The following UMODL1 variants were observed in gnomAD, a reference collection of about 807,000 sequenced individuals.
UMODL1 encodes uromodulin-like 1.
Under a neutral mutation model 136.3 loss-of-function variants are expected in UMODL1, and 128 were observed. That is an observed-to-expected ratio of 0.94 (90% CI 0.81 to 1.09). The LOEUF (loss-of-function observed/expected upper bound fraction) is 1.09, where lower values mean the gene tolerates loss of function less well. Ranked by LOEUF, UMODL1 falls within the 50% of genes least tolerant of loss-of-function variation. The pLI is 0.00. For synonymous variants in UMODL1, 721 were observed against 720.0 expected (o/e 1.00, Z -0.02); for missense variants, 1,766 against 1,725.6 (o/e 1.02, Z -0.41).
intron 4 of UMODL1, chr21:42,086,734 G>A (rs1319688627): frequency 2.3e-6 from 1 of 429,310 alleles, no homozygotes; most frequent in East Asian, 7.1e-5. Flanking sequence ...GGGAGGCCGA[G>A]GCAGGCGGAT....
At position 42,098,842 on chromosome 21, in the gene UMODL1, G is replaced by A. The variant is rs946506752; in HGVS notation, c.932-84G>A. The A allele has an allele frequency of 1.9e-6, 3 of 1,554,148 alleles. No individual in the cohort carries two copies. In the Admixed American group the frequency reaches 5.4e-5, roughly 28 times the overall value. On this transcript the variant is annotated intron_variant, in intron 6 of 22. Coordinates refer to ENST00000408910, the MANE Select transcript of UMODL1 (RefSeq NM_001004416.3). ...TCAATAAATCAGTGAGAACCAAGTT[G>A]AGATGAGGCTCTGTTACCTGCTTCA... is the stretch of plus-strand genomic sequence containing the variant.
chr21:42,080,754 C>G (rs2066352576), intron 2 of UMODL1, among the ~76,000 whole-genome samples: 1 of 152,240 alleles, frequency 6.6e-6, no homozygotes. Context: ...CCAGGGCAGA[C>G]ATTTCACAAG....
At chr21:42,132,207 C>T (rs988270524) in intron 21 of UMODL1, among the ~76,000 whole-genome samples, 3 of 150,914 alleles carry the variant, frequency 2.0e-5, no homozygotes, top group Non-Finnish European at 4.4e-5. Context: ...CCATTCATCC[C>T]TCCACTCATC....
chr21:42,102,436 T>C, intron 8 of UMODL1, 158 bp downstream of exon 8: 2 of 551,594 alleles, frequency 3.6e-6, no homozygotes, highest in South Asian at 4.8e-5. Context: ...CGCACAGTGA[T>C]TAGTCAAAAG....
rs2067014208 is a variant in UMODL1 at position 42,123,817 on chromosome 21, G to C, written c.3147+667G>C. Among the ~76,000 whole-genome samples the C allele has an allele frequency of 1.3e-5, 2 of 152,144 alleles. No homozygotes were observed. The highest frequency in any genetic ancestry group is 4.8e-5 in the African/African-American group (2 of 41,410). ...TGTATGTATGGGTGTGTGTTTGGGG[G>C]GCATTGGATGGCATTAGTCAGAACT... On this transcript the variant is annotated intron_variant, in intron 17 of 22. Coordinates refer to ENST00000408910, the MANE Select transcript of UMODL1 (RefSeq NM_001004416.3). The surrounding 1 kb of genome is among the most constrained non-coding windows in gnomAD (Gnocchi z 4.4).
chr21:42,101,277 G>A (rs1175073303), intron 7 of UMODL1, among the ~76,000 whole-genome samples: 3 of 152,114 alleles, frequency 2.0e-5, no homozygotes, highest in African/African-American at 4.8e-5. Flanking sequence ...GCCAGTCCAC[G>A]GGGCTCTGCG....
chr21:42,099,820 A>G lies in UMODL1; in HGVS notation c.1186+640A>G, dbSNP rs2066605047. Among the ~76,000 whole-genome samples the G allele has an allele frequency of 6.6e-6, 1 of 152,174 alleles. No homozygotes were observed. Among genetic ancestry groups the G allele is most frequent in the Non-Finnish European group, 1.5e-5 (1 of 68,022 alleles). On this transcript the variant is annotated intron_variant, in intron 7 of 22. Transcript: ENST00000408910. This position sits in a 1 kb window ranked among gnomAD's most constrained non-coding sequence, Gnocchi z 4.1. ...CTCAGCCTCCCTAGTAGCTGGGACC[A>G]CAGGCACACACCACCACACCAGGCT...
At chr21:42,131,863 C>T (rs1283942733) in intron 21 of UMODL1, among the ~76,000 whole-genome samples, 1 of 152,192 alleles carries the variant, frequency 6.6e-6, no homozygotes, top group African/African-American at 2.4e-5. Context: ...TTCTTAATTT[C>T]CTGGGAAGAA....
chr21:42,093,747 C>A, intron 6 of UMODL1: 1 of 385,320 alleles, frequency 2.6e-6, no homozygotes, highest in South Asian at 1.9e-5. Context: ...ACTCCACAAA[C>A]GTTTCCTGGA....
At chr21:42,086,106 G>A (rs747821243) in intron 4 of UMODL1, among the ~76,000 whole-genome samples, 9 of 152,192 alleles carry the variant, frequency 5.9e-5, no homozygotes, top group East Asian at 3.9e-4. Flanking sequence ...TGGACAGGGC[G>A]CTGCGTGTCC....
intron 18 of UMODL1, among the ~76,000 whole-genome samples, 157 bp downstream of exon 18, chr21:42,126,647 T>C (rs946048275): frequency 2.6e-5 from 4 of 152,192 alleles, no homozygotes; most frequent in Non-Finnish European, 5.9e-5. Context: ...TGTTCCCTCT[T>C]CCCACTCAGG....
intron 21 of UMODL1, among the ~76,000 whole-genome samples, chr21:42,132,660 A>G (rs2067150158): frequency 6.6e-6 from 1 of 152,168 alleles, no homozygotes; most frequent in Non-Finnish European, 1.5e-5. Flanking sequence ...ACTATGTTTC[A>G]GATACTCTGA....
intron 5 of UMODL1, among the ~76,000 whole-genome samples, chr21:42,088,818 T>G (rs893188880): frequency 1.3e-5 from 2 of 151,736 alleles, no homozygotes; most frequent in East Asian, 1.9e-4. Context: ...GACACTGGAG[T>G]GCAAATCCCA....
At chr21:42,114,788 A>G (rs1375647633) in intron 13 of UMODL1, among the ~76,000 whole-genome samples, 4 of 152,208 alleles carry the variant, frequency 2.6e-5, no homozygotes, top group African/African-American at 9.7e-5. Context: ...GGACAGTCAG[A>G]CAGGGTGGCT....
At chr21:42,129,145 T>A (rs1420091239) in intron 20 of UMODL1, among the ~76,000 whole-genome samples, 1 of 152,184 alleles carries the variant, frequency 6.6e-6, no homozygotes, top group Non-Finnish European at 1.5e-5. Context: ...CCAGCCATAG[T>A]GGATTAGGGC....
intron 1 of UMODL1, among the ~76,000 whole-genome samples, chr21:42,075,740 C>T (rs1407551939): frequency 6.6e-6 from 1 of 152,256 alleles, no homozygotes; most frequent in African/African-American, 2.4e-5. Context: ...GCCCAGGTGG[C>T]ACCTCCTCCT....
chr21:42,136,733 CTTGTTTTT>C (rs2067209701), intron 21 of UMODL1, among the ~76,000 whole-genome samples: 2 of 151,234 alleles, frequency 1.3e-5, no homozygotes, highest in African/African-American at 4.9e-5. Flanking sequence ...TTTTTTGTTT[CTTGTTTTT>C]TTGTTTTGTT....
Position 42,076,005 on chromosome 21 carries a change from A to G in UMODL1, c.77A>G (p.Glu26Gly). Reference protein sequence around the residue: ...VGPSQASGFTEKGLSLLGYQL... With the variant: ...VGPSQASGFTGKGLSLLGYQL... ...CGCCTTCTTGCTTGGCCTCTTTCAGAAAAAGGCCTCTCCCTGTTGGGCTAC... is the reference window on the plus strand; with the variant it reads ...CGCCTTCTTGCTTGGCCTCTTTCAGGAAAAGGCCTCTCCCTGTTGGGCTAC... Residue 26 changes from glutamate to glycine, a missense_variant and splice_region_variant, in exon 2 of 23, where the codon GAA becomes GGA. Coordinates refer to ENST00000408910, the MANE Select transcript of UMODL1 (RefSeq NM_001004416.3). The G allele has an allele frequency of 6.2e-7, 1 of 1,612,826 alleles. No homozygotes were observed.
At position 42,137,426 on chromosome 21, in the gene UMODL1, TCTC is replaced by T. The variant is rs1410310349; in HGVS notation, c.3776-8_3776-6del. Reference sequence around the variant, plus strand: ...TGTGCAGATCTCTCACCTGTGCCTGTCTCCTCCCCGAGGTGAGCCTCCTCATGC... The same window carrying T: ...TGTGCAGATCTCTCACCTGTGCCTGTCTCCCCGAGGTGAGCCTCCTCATGC... On this transcript the variant is annotated splice_polypyrimidine_tract_variant and intron_variant, in intron 21 of 22. Transcript: ENST00000408910. The T allele has an allele frequency of 1.2e-5, 19 of 1,613,852 alleles. No homozygotes were observed. The African/African-American group carries it at 2.4e-4, about 20-fold the overall frequency.
Sources: allele counts gnomAD v4.1 joint callset (sites outside exome capture counted in the v4.1 genomes callset), GRCh38; gene constraint gnomAD v4.1.1; non-coding constraint Gnocchi (gnomAD v3.1); transcripts MANE v1.5; gene names NCBI Gene and HGNC (gene_info 2026-07-23, HGNC 2026-07-21).